RBFOX1: variants seen among roughly 807,000 people sequenced by gnomAD.
RBFOX1 encodes RNA binding protein fox-1 homolog 1.
A neutral mutation model predicts 57.7 loss-of-function variants in RBFOX1; 8 were observed. The ratio of observed to expected loss-of-function variants is 0.14; its 90% CI spans 0.08 to 0.25. The LOEUF (loss-of-function observed/expected upper bound fraction) is 0.25, where lower values mean the gene tolerates loss of function less well. RBFOX1 is among the 10% of genes least tolerant of loss of function. The pLI is 1.00. For synonymous variants in RBFOX1, 326 were observed against 222.4 expected (o/e 1.47, Z -4.15); for missense variants, 611 against 548.5 (o/e 1.11, Z -1.14).
intron 1 of RBFOX1, among the ~76,000 whole-genome samples, chr16:5,452,423 A>C (rs956747788): frequency 6.6e-6 from 1 of 151,524 alleles, no homozygotes; most frequent in African/African-American, 2.4e-5. Context: ...TCATCCCTCT[A>C]TTCTGCCTCT....
chr16:6,238,228 A>C (rs2097521840), intron 1 of RBFOX1, among the ~76,000 whole-genome samples: 1 of 152,174 alleles, frequency 6.6e-6, no homozygotes, highest in East Asian at 1.9e-4. Flanking sequence ...CTGCATTCAC[A>C]GTGGAATTAC....
At chr16:6,852,881 G>C (rs2094144552) in intron 3 of RBFOX1, among the ~76,000 whole-genome samples, 2 of 152,108 alleles carry the variant, frequency 1.3e-5, no homozygotes, top group African/African-American at 4.8e-5. Context: ...GTGCATGCTG[G>C]GAACTAGCTG....
intron 2 of RBFOX1, among the ~76,000 whole-genome samples, chr16:6,646,958 C>T (rs1021787333): frequency 1.3e-5 from 2 of 152,166 alleles, no homozygotes; most frequent in African/African-American, 4.8e-5. Context: ...TACAGGTCGT[C>T]TGGGAACCTT....
intron 2 of RBFOX1, among the ~76,000 whole-genome samples, chr16:6,612,045 C>G (rs972789724): frequency 6.6e-6 from 1 of 152,124 alleles, no homozygotes; most frequent in East Asian, 1.9e-4. Flanking sequence ...CGGAATAGTT[C>G]CTGTTTCTTG....
intron 2 of RBFOX1, among the ~76,000 whole-genome samples, chr16:5,568,108 C>T (rs2046137152): frequency 6.6e-6 from 1 of 152,232 alleles, no homozygotes; most frequent in African/African-American, 2.4e-5. Flanking sequence ...TCGCTGGCTA[C>T]TCACTGCTAA....
intron 3 of RBFOX1, among the ~76,000 whole-genome samples, chr16:5,783,269 A>G (rs1183221432): frequency 6.6e-6 from 1 of 152,210 alleles, no homozygotes; most frequent in East Asian, 1.9e-4. Context: ...CTATCTTTTC[A>G]ATCTATGTAT....
intron 4 of RBFOX1, among the ~76,000 whole-genome samples, chr16:5,940,120 C>T (rs752582394): frequency 5.3e-5 from 8 of 152,162 alleles, no homozygotes; most frequent in Non-Finnish European, 1.0e-4. Flanking sequence ...GTATTCCACA[C>T]TGATAATGGT....
intron 1 of RBFOX1, among the ~76,000 whole-genome samples, chr16:6,312,359 TTC>T (rs1407611067): frequency 6.6e-6 from 1 of 152,026 alleles, no homozygotes; most frequent in Admixed American, 6.6e-5. Context: ...TCTCTTCTTC[TTC>T]TCTCTCTCAT....
chr16:6,833,395 G>T (rs936816981), intron 3 of RBFOX1, among the ~76,000 whole-genome samples: 1 of 152,020 alleles, frequency 6.6e-6, no homozygotes. Flanking sequence ...TCAAACTCCT[G>T]ACCTCAGGTG....
chr16:7,489,617 G>C (rs1360373932), intron 4 of RBFOX1, among the ~76,000 whole-genome samples: 1 of 151,980 alleles, frequency 6.6e-6, no homozygotes, highest in Non-Finnish European at 1.5e-5. Context: ...CCGGACTCAA[G>C]AAATCCTCCA....
At chr16:7,391,259 G>A (rs1229489385) in intron 4 of RBFOX1, among the ~76,000 whole-genome samples, 1 of 152,146 alleles carries the variant, frequency 6.6e-6, no homozygotes. Flanking sequence ...TTTTAGAATA[G>A]CATTTGCTGA....
intron 14 of RBFOX1, among the ~76,000 whole-genome samples, chr16:7,691,856 C>A (rs914499844): frequency 2.6e-5 from 4 of 152,080 alleles, no homozygotes; most frequent in Admixed American, 6.6e-5. Context: ...AAGACCTTGC[C>A]GCTTTGGATA....
chr16:5,891,540 A>G (rs1318291227), intron 4 of RBFOX1, among the ~76,000 whole-genome samples: 1 of 152,178 alleles, frequency 6.6e-6, no homozygotes, highest in Non-Finnish European at 1.5e-5. Context: ...GTTTTCCCTC[A>G]TCCCCGAGAG....
chr16:7,253,258 C>T (rs113743982), intron 4 of RBFOX1, among the ~76,000 whole-genome samples: 1,693 of 152,288 alleles, frequency 0.011, 37 homozygotes, highest in African/African-American at 0.038. Flanking sequence ...TCCTGGGGGT[C>T]AAATCAACAA....
chr16:7,136,577 A>ATTTG (rs1014628417), intron 4 of RBFOX1, among the ~76,000 whole-genome samples: 3 of 151,692 alleles, frequency 2.0e-5, no homozygotes, highest in Admixed American at 6.6e-5. Flanking sequence ...TAGCTAATTA[A>ATTTG]TTTGTTTGTT....
At chr16:7,570,212 A>T (rs1294308002) in intron 5 of RBFOX1, among the ~76,000 whole-genome samples, 2 of 150,214 alleles carry the variant, frequency 1.3e-5, no homozygotes, top group African/African-American at 4.9e-5. Flanking sequence ...AAAATGACGT[A>T]TATCACTTAC....
At chr16:6,500,439 G>T (rs534943699) in intron 2 of RBFOX1, among the ~76,000 whole-genome samples, 1 of 152,292 alleles carries the variant, frequency 6.6e-6, no homozygotes, top group African/African-American at 2.4e-5. Context: ...ACAAAGCACA[G>T]TGACTCCAAA....
intron 3 of RBFOX1, among the ~76,000 whole-genome samples, chr16:6,893,600 G>A (rs932747253): frequency 1.4e-4 from 21 of 152,076 alleles, no homozygotes; most frequent in African/African-American, 5.1e-4. Context: ...CTCCTCTCCA[G>A]TTTTTATATA....
intron 3 of RBFOX1, among the ~76,000 whole-genome samples, chr16:5,683,761 TATA>T (rs1319725784): frequency 2.7e-5 from 4 of 148,304 alleles, no homozygotes; most frequent in Admixed American, 2.0e-4. Flanking sequence ...ATATATAATA[TATA>T]ATATATATAC....
Sources: gnomAD v4.1 joint callset for allele counts (sites outside exome capture counted in the v4.1 genomes callset) on GRCh38, gnomAD v4.1.1 for gene constraint, MANE v1.5 for transcripts, NCBI Gene and HGNC (gene_info 2026-07-23, HGNC 2026-07-21) for gene names.